Variants in CACNA2D3 observed in about 807,000 individuals in gnomAD.
CACNA2D3 encodes the protein voltage-dependent calcium channel subunit alpha-2/delta-3.
In CACNA2D3, 60 loss-of-function variants were observed where a neutral mutation model predicts 160.6. The ratio of observed to expected loss-of-function variants is 0.37; its 90% CI spans 0.30 to 0.46. CACNA2D3 has a LOEUF of 0.46. Ranked by LOEUF, CACNA2D3 falls within the 20% of genes least tolerant of loss-of-function variation. CACNA2D3 has a pLI of 1.00. For synonymous variants in CACNA2D3, 558 were observed against 492.9 expected, an observed-to-expected ratio of 1.13 and a Z score of -1.75; for missense variants, 1,205 against 1,365.0, an observed-to-expected ratio of 0.88 and a Z score of 1.85.
intron 2 of CACNA2D3, among the ~76,000 whole-genome samples, chr3:54,226,161 T>C (rs1166406554): frequency 1.3e-5 from 2 of 152,066 alleles, no homozygotes; most frequent in Non-Finnish European, 2.9e-5. Flanking sequence ...CTGTTTCGGT[T>C]TTCTGCCTTT....
At chr3:55,051,420 C>A (rs56697604) in intron 35 of CACNA2D3, among the ~76,000 whole-genome samples, 1,833 of 152,168 alleles carry the variant, frequency 0.012, 41 homozygotes, top group African/African-American at 0.042. Flanking sequence ...GCTGCCCGGG[C>A]GTCAGGGGTC....
chr3:54,334,029 T>A (rs1448964766), intron 3 of CACNA2D3, among the ~76,000 whole-genome samples: 3 of 152,256 alleles, frequency 2.0e-5, no homozygotes, highest in African/African-American at 7.2e-5. Flanking sequence ...TTACTTCCTC[T>A]TGTAGAAGTG....
chr3:54,275,712 G>A (rs555788705), intron 2 of CACNA2D3, among the ~76,000 whole-genome samples: 1 of 152,106 alleles, frequency 6.6e-6, no homozygotes, highest in African/African-American at 2.4e-5. Context: ...CCGCCTTCTG[G>A]GTTCAAGCAG....
intron 2 of CACNA2D3, among the ~76,000 whole-genome samples, chr3:54,239,317 A>G (rs1559892369): frequency 6.6e-6 from 1 of 152,238 alleles, no homozygotes; most frequent in Non-Finnish European, 1.5e-5. Flanking sequence ...ATAAATCAGT[A>G]AATATTCATA....
At chr3:54,343,737 C>A (rs879259816) in intron 3 of CACNA2D3, among the ~76,000 whole-genome samples, 7 of 152,272 alleles carry the variant, frequency 4.6e-5, no homozygotes, top group South Asian at 2.1e-4. Context: ...CCCTCTACCC[C>A]CCACAGCCCA....
chr3:54,292,389 G>C, intron 2 of CACNA2D3, among the ~76,000 whole-genome samples: 1 of 152,018 alleles, frequency 6.6e-6, no homozygotes, highest in East Asian at 1.9e-4. Flanking sequence ...AAAGTGAAAG[G>C]TAACCTAGAG....
intron 34 of CACNA2D3, among the ~76,000 whole-genome samples, chr3:55,009,704 T>G (rs923580613): frequency 6.6e-6 from 1 of 152,190 alleles, no homozygotes; most frequent in Non-Finnish European, 1.5e-5. Context: ...GGTCATACAT[T>G]GCACAGGTAA....
chr3:54,816,053 T>C (rs1252051750), intron 13 of CACNA2D3, among the ~76,000 whole-genome samples: 1 of 152,208 alleles, frequency 6.6e-6, no homozygotes, highest in Non-Finnish European at 1.5e-5. Flanking sequence ...TGTTGATCTT[T>C]TTCCACATAC....
intron 13 of CACNA2D3, among the ~76,000 whole-genome samples, chr3:54,813,860 A>G: frequency 1.5e-5 from 2 of 135,626 alleles, no homozygotes; most frequent in Admixed American, 7.3e-5. Flanking sequence ...TGGTTATAAT[A>G]TTCTTTTTTT....
At chr3:54,961,144 G>A (rs908432591) in intron 27 of CACNA2D3, among the ~76,000 whole-genome samples, 2 of 152,216 alleles carry the variant, frequency 1.3e-5, no homozygotes, top group Non-Finnish European at 2.9e-5. Flanking sequence ...AGGCAAGTTG[G>A]AATCCAAACA....
chr3:54,494,880 C>A (rs1433096828), intron 4 of CACNA2D3, among the ~76,000 whole-genome samples: 1 of 152,146 alleles, frequency 6.6e-6, no homozygotes, highest in Non-Finnish European at 1.5e-5. Context: ...ATCAAACATC[C>A]ACATCTCATG....
chr3:54,158,004 A>G lies in CACNA2D3; in HGVS notation c.204+34410A>G, dbSNP rs556386933. Among the ~76,000 whole-genome samples the G allele has an allele frequency of 2.0e-4, 31 of 152,334 alleles. 1 individual carries two copies. In the South Asian group the frequency reaches 6.4e-3, roughly 32 times the overall value. The stretch of plus-strand genomic sequence containing the variant: ...TGCACTATTTCAGAAGGAAATTGCC[A>G]CCTAAGGTGGGAGGCATTGCAGCTT... On this transcript the variant is annotated intron_variant, in intron 2 of 37. Transcript: ENST00000474759.
chr3:54,291,903 C>G (rs1044215793), intron 2 of CACNA2D3, among the ~76,000 whole-genome samples: 2 of 152,106 alleles, frequency 1.3e-5, no homozygotes, highest in Non-Finnish European at 2.9e-5. Context: ...GTAACACTTA[C>G]AATCCAGTAA....
intron 11 of CACNA2D3, among the ~76,000 whole-genome samples, chr3:54,676,536 G>T (rs1296030442): frequency 6.6e-6 from 1 of 152,056 alleles, no homozygotes; most frequent in Non-Finnish European, 1.5e-5. Flanking sequence ...TGTGTAGAGG[G>T]CAGAAGGGTT....
intron 3 of CACNA2D3, among the ~76,000 whole-genome samples, chr3:54,332,886 C>G (rs1704296109): frequency 6.6e-6 from 1 of 152,048 alleles, no homozygotes; most frequent in Admixed American, 6.5e-5. Flanking sequence ...ATAGCGGGCT[C>G]CCTCCCCACA....
intron 9 of CACNA2D3, among the ~76,000 whole-genome samples, chr3:54,591,567 G>GTTTTTTT (rs397755008): frequency 8.2e-6 from 1 of 121,350 alleles, no homozygotes; most frequent in African/African-American, 3.1e-5. Flanking sequence ...GTTGAAAAAA[G>GTTTTTTT]TTTTTTTTTT....
chr3:54,144,283 G>A (rs1272249337), intron 2 of CACNA2D3, among the ~76,000 whole-genome samples: 1 of 152,178 alleles, frequency 6.6e-6, no homozygotes, highest in Non-Finnish European at 1.5e-5. Flanking sequence ...CTTTTCCCCA[G>A]TGTGGAGCAT....
At chr3:54,781,499 C>A (rs1435532800) in intron 13 of CACNA2D3, among the ~76,000 whole-genome samples, 1 of 152,128 alleles carries the variant, frequency 6.6e-6, no homozygotes, top group Non-Finnish European at 1.5e-5. Flanking sequence ...ACTTGCAGAA[C>A]CAGATGTAAA....
intron 2 of CACNA2D3, among the ~76,000 whole-genome samples, chr3:54,171,240 T>G (rs947004226): frequency 7.5e-5 from 11 of 145,838 alleles, no homozygotes; most frequent in Admixed American, 5.1e-4. Context: ...CAAAGTGATC[T>G]TGATGGGTTA....
Sources: gnomAD v4.1 joint callset for allele counts (sites outside exome capture counted in the v4.1 genomes callset) on GRCh38, gnomAD v4.1.1 for gene constraint, MANE v1.5 for transcripts, NCBI Gene and HGNC (gene_info 2026-07-23, HGNC 2026-07-21) for gene names.